The following AGBL1 variants were observed in gnomAD, a reference collection of about 807,000 sequenced individuals.
The protein encoded by AGBL1 is AGBL carboxypeptidase 1.
A neutral mutation model predicts 118.9 loss-of-function variants in AGBL1; 130 were observed. The ratio of observed to expected loss-of-function variants is 1.09; its 90% CI spans 0.95 to 1.26. The LOEUF (loss-of-function observed/expected upper bound fraction) is 1.26, where lower values mean the gene tolerates loss of function less well. Ranked by LOEUF, AGBL1 falls within the 50% of genes most tolerant of loss-of-function variation. AGBL1 has a pLI of 0.00. For synonymous variants in AGBL1, 555 were observed against 478.9 expected (o/e 1.16, Z -2.08); for missense variants, 1,584 against 1,298.1 (o/e 1.22, Z -3.38).
At chr15:86,603,258 T>G (rs62012509) in intron 21 of AGBL1, among the ~76,000 whole-genome samples, 4,131 of 152,264 alleles carry the variant, frequency 0.027, 109 homozygotes, top group East Asian at 0.13. Flanking sequence ...CAGATTTCCT[T>G]GGTTACAACA....
chr15:86,149,714 T>C (rs1449583017), intron 3 of AGBL1, among the ~76,000 whole-genome samples: 4 of 152,156 alleles, frequency 2.6e-5, no homozygotes, highest in Non-Finnish European at 5.9e-5. Flanking sequence ...ATTAGACAGA[T>C]CAATGAGACA....
chr15:86,562,602 C>T (rs1478692561), intron 21 of AGBL1, among the ~76,000 whole-genome samples: 1 of 152,100 alleles, frequency 6.6e-6, no homozygotes, highest in Non-Finnish European at 1.5e-5. Flanking sequence ...GTCTAAAATT[C>T]TCTTTTTTTG....
At chr15:86,373,168 G>A (rs962387690) in intron 17 of AGBL1, among the ~76,000 whole-genome samples, 1 of 152,054 alleles carries the variant, frequency 6.6e-6, no homozygotes, top group African/African-American at 2.4e-5. Flanking sequence ...AACTCCTTGT[G>A]GTTTAATCAA....
At chr15:86,084,467 A>G (rs553620027) in intron 1 of AGBL1, among the ~76,000 whole-genome samples, 28 of 152,330 alleles carry the variant, frequency 1.8e-4, no homozygotes, top group African/African-American at 6.7e-4. Context: ...ATGGTTAAGG[A>G]AAGGATAAGC....
chr15:86,794,147 G>C (rs1364372177), intron 22 of AGBL1, among the ~76,000 whole-genome samples: 2 of 152,138 alleles, frequency 1.3e-5, no homozygotes, highest in Admixed American at 1.3e-4. Flanking sequence ...AACTTGTACA[G>C]AAATATTCAT....
intron 17 of AGBL1, chr15:86,296,051 C>A (rs1290791585): frequency 6.6e-6 from 1 of 152,338 alleles, no homozygotes; most frequent in African/African-American, 2.4e-5. Flanking sequence ...TGTGTAGACA[C>A]AAACATATAC....
At chr15:86,494,491 G>T (rs1466602100) in intron 18 of AGBL1, among the ~76,000 whole-genome samples, 2 of 152,010 alleles carry the variant, frequency 1.3e-5, no homozygotes, top group African/African-American at 4.8e-5. Context: ...TGTATGATCT[G>T]CAGGATGATG....
At chr15:86,902,472 CTATG>C in intron 22 of AGBL1, among the ~76,000 whole-genome samples, 1 of 152,040 alleles carries the variant, frequency 6.6e-6, no homozygotes, top group Non-Finnish European at 1.5e-5. Flanking sequence ...AAAGAAAAAT[CTATG>C]TATTTGCTCA....
At chr15:86,180,440 C>A (rs1375754039) in intron 5 of AGBL1, among the ~76,000 whole-genome samples, 1 of 152,016 alleles carries the variant, frequency 6.6e-6, no homozygotes, top group African/African-American at 2.4e-5. Context: ...ATAGTATGTT[C>A]AATAAATGGT....
intron 22 of AGBL1, among the ~76,000 whole-genome samples, chr15:86,704,593 A>T (rs2086415662): frequency 6.6e-6 from 1 of 152,218 alleles, no homozygotes; most frequent in Admixed American, 6.5e-5. Context: ...ATGCCATCTC[A>T]TGCCAGTTAG....
chr15:86,649,270 G>A (rs2085332396), intron 21 of AGBL1, among the ~76,000 whole-genome samples: 1 of 152,142 alleles, frequency 6.6e-6, no homozygotes, highest in South Asian at 2.1e-4. Flanking sequence ...GGAGTCTTTG[G>A]AAGATCTCCT....
At chr15:86,219,042 C>A (rs1248492495) in intron 5 of AGBL1, among the ~76,000 whole-genome samples, 2 of 152,214 alleles carry the variant, frequency 1.3e-5, no homozygotes, top group East Asian at 3.8e-4. Context: ...ATATGGGTGG[C>A]ATTGCTATAT....
At chr15:86,080,590 G>C (rs1422664109) in intron 1 of AGBL1, among the ~76,000 whole-genome samples, 1 of 152,186 alleles carries the variant, frequency 6.6e-6, no homozygotes, top group East Asian at 1.9e-4. Context: ...CCTTCTCCCT[G>C]GGGGATGCTA....
At position 86,522,789 on chromosome 15, in the gene AGBL1, G is replaced by C. The variant is rs183487223; in HGVS notation, c.2556-21G>C. ...TTTTCTTCTGAATGTGTATTTATTT[G>C]CTTATTATTTGTTCCTGTAGCCACA... On this transcript the variant is annotated intron_variant, in intron 18 of 22. Coordinates refer to ENST00000614907, the MANE Select transcript of AGBL1 (RefSeq NM_001386094.1). 131 of 1,611,914 alleles carry C rather than the reference G, an allele frequency of 8.1e-5. No individual in the cohort carries two copies. In the African/African-American group the frequency reaches 1.4e-3, roughly 17 times the overall value.
At chr15:86,364,861 T>G (rs971767655) in intron 17 of AGBL1, among the ~76,000 whole-genome samples, 6 of 150,980 alleles carry the variant, frequency 4.0e-5, no homozygotes, top group Non-Finnish European at 7.4e-5. Context: ...GAACTTGTCC[T>G]AATTCCTTAC....
At chr15:86,725,913 T>A (rs1413199761) in intron 22 of AGBL1, among the ~76,000 whole-genome samples, 1 of 152,162 alleles carries the variant, frequency 6.6e-6, no homozygotes, top group African/African-American at 2.4e-5. Flanking sequence ...GACTATGAGT[T>A]CTTAAAGGAC....
intron 21 of AGBL1, among the ~76,000 whole-genome samples, chr15:86,639,513 G>T (rs1249458345): frequency 2.0e-5 from 3 of 152,102 alleles, no homozygotes; most frequent in African/African-American, 7.2e-5. Context: ...TACTATGGGG[G>T]CCATGCATCT....
chr15:87,018,733 G>T (rs1196277148), intron 24 of AGBL1, among the ~76,000 whole-genome samples: 3 of 152,218 alleles, frequency 2.0e-5, no homozygotes, highest in Non-Finnish European at 2.9e-5. Flanking sequence ...AAAATAACTA[G>T]CTAGCCTCAT....
chr15:86,698,673 G>A (rs1049606638), intron 22 of AGBL1, among the ~76,000 whole-genome samples: 1 of 150,742 alleles, frequency 6.6e-6, no homozygotes, highest in African/African-American at 2.4e-5. Context: ...AGTACTCTCA[G>A]GCAAGGAAGC....
Sources: allele counts gnomAD v4.1 joint callset (sites outside exome capture counted in the v4.1 genomes callset), GRCh38; gene constraint gnomAD v4.1.1; transcripts MANE v1.5; gene names NCBI Gene and HGNC (gene_info 2026-07-23, HGNC 2026-07-21).